Variants in PTPRN2 observed in about 807,000 individuals in gnomAD.
PTPRN2 encodes the protein protein tyrosine phosphatase receptor type N2.
A neutral mutation model predicts 118.8 loss-of-function variants in PTPRN2; 74 were observed. The ratio of observed to expected loss-of-function variants is 0.62; its 90% CI spans 0.52 to 0.76. The LOEUF is 0.76. Ranked by LOEUF, PTPRN2 falls within the 30% of genes least tolerant of loss-of-function variation. The probability of loss-of-function intolerance (pLI) is 0.00; values close to 1 mark genes in which losing one functional copy is unlikely to be tolerated. For missense variants in PTPRN2, 1,481 were observed against 1,394.4 expected (o/e 1.06, Z -0.99); for synonymous variants, 641 against 608.0 (o/e 1.05, Z -0.80).
At chr7:157,621,264 C>CCCCGGCTT (rs1803202987) in intron 15 of PTPRN2, 98 bp downstream of exon 15, 1 of 1,449,614 alleles carries the variant, frequency 6.9e-7, no homozygotes, top group East Asian at 2.4e-5. Flanking sequence ...CCGCCCGGAA[C>CCCCGGCTT]CCTGGCCTCC....
In PTPRN2 at chr7:158,015,861, G is replaced by A. The variant is rs544120406; in HGVS notation, c.1723+65437C>T. On this transcript the variant is annotated intron_variant, in intron 11 of 22. Coordinates refer to ENST00000389418, the MANE Select transcript of PTPRN2 (RefSeq NM_002847.5). The surrounding 1 kb of genome is among the most constrained non-coding windows in gnomAD (Gnocchi z 4.2). ...AAAAATAGACACGGAAGCCGCGATC[G>A]AGGAGGAGGGGGAACAAAAGGGTCA... Among the ~76,000 whole-genome samples the A allele has an allele frequency of 1.1e-4, 16 of 152,310 alleles. No individual in the cohort carries two copies. The South Asian group carries it at 3.1e-3, about 30-fold the overall frequency.
At chr7:158,054,436 G>C (rs1279644166) in intron 11 of PTPRN2, among the ~76,000 whole-genome samples, 1 of 152,346 alleles carries the variant, frequency 6.6e-6, no homozygotes, top group African/African-American at 2.4e-5. Flanking sequence ...GAGCAAGAGA[G>C]GAAGACACGA....
intron 11 of PTPRN2, among the ~76,000 whole-genome samples, chr7:158,008,130 CATGTACACA>C (rs1805789149): frequency 9.9e-6 from 1 of 101,226 alleles, no homozygotes; most frequent in African/African-American, 3.9e-5. Context: ...TGGGTGTGTA[CATGTACACA>C]TGTGTGAGTG....
rs1204685087 is a variant in PTPRN2, at chr7:157,622,928, C to T, written c.2197-1419G>A. On this transcript the variant is annotated intron_variant, in intron 14 of 22. Transcript: ENST00000389418. The surrounding 1 kb of genome is among the most constrained non-coding windows in gnomAD (Gnocchi z 5.3). ...ACCTTGAGCCTTGGGAGCACACCTG[C>T]GCCAGGAACAGAAACATCAGGGCTG... is the stretch of plus-strand genomic sequence containing the variant. Among the ~76,000 whole-genome samples, 2 of 152,190 alleles carry T rather than the reference C, an allele frequency of 1.3e-5. No individual in the cohort carries two copies. The highest frequency in any genetic ancestry group is 2.1e-4 in the South Asian group (1 of 4,832).
chr7:157,818,235 T>C (rs1806559748), intron 12 of PTPRN2, among the ~76,000 whole-genome samples: 1 of 152,040 alleles, frequency 6.6e-6, no homozygotes, highest in African/African-American at 2.4e-5. Flanking sequence ...TGTATGTGTG[T>C]GCCCGTGCAT....
rs1378901213 is a variant in PTPRN2, at chr7:157,577,964, AG to A, written c.2616+56del. ...AACGAATCCCATTCGGAGGAGGAGC[AG>A]GGCCCGTCCTCGTCCGGCTGGTGGG... On this transcript the variant is annotated intron_variant, in intron 18 of 22. Transcript: ENST00000389418. The A allele has an allele frequency of 2.7e-6, 4 of 1,499,106 alleles. No homozygotes were observed. The African/African-American group carries it at 4.1e-5, about 16-fold the overall frequency. The allele number at this position is 1,499,106 out of a possible 1,614,324, so 92.9% of individuals were successfully genotyped here. A position where few individuals can be genotyped will look rare whatever the true frequency, so the allele number is the denominator to read the frequency against.
At chr7:158,333,497 C>G (rs1247240335) in intron 2 of PTPRN2, among the ~76,000 whole-genome samples, 4 of 148,812 alleles carry the variant, frequency 2.7e-5, no homozygotes, top group African/African-American at 1.0e-4. Context: ...CTGGAGACGT[C>G]ACTCACACCC....
At chr7:158,273,855 CACAGGAGG>C (rs1798730864) in intron 3 of PTPRN2, among the ~76,000 whole-genome samples, 1 of 126,690 alleles carries the variant, frequency 7.9e-6, no homozygotes, top group African/African-American at 3.2e-5. Flanking sequence ...GAGCCGCAGA[CACAGGAGG>C]AGACACACGA....
intron 1 of PTPRN2, among the ~76,000 whole-genome samples, chr7:158,556,281 T>C (rs1826985408): frequency 6.6e-6 from 1 of 152,138 alleles, no homozygotes; most frequent in Non-Finnish European, 1.5e-5. Flanking sequence ...GGGCTGGGCA[T>C]GGTGGCTTAC....
chr7:157,832,841 T>G (rs1179599550), intron 12 of PTPRN2, among the ~76,000 whole-genome samples: 1 of 152,248 alleles, frequency 6.6e-6, no homozygotes, highest in Non-Finnish European at 1.5e-5. Context: ...TGACTGGATT[T>G]GTGATCAGAA....
chr7:157,581,902 G>A (rs562582455), intron 17 of PTPRN2, among the ~76,000 whole-genome samples: 172 of 152,330 alleles, frequency 1.1e-3, no homozygotes, highest in African/African-American at 4.0e-3. Flanking sequence ...CACGGAGAGC[G>A]GCCACGCGCA....
chr7:157,709,149 G>A (rs774400802), intron 12 of PTPRN2, among the ~76,000 whole-genome samples: 6 of 152,180 alleles, frequency 3.9e-5, no homozygotes, highest in Non-Finnish European at 7.3e-5. Flanking sequence ...TGCTGCCCAT[G>A]GCTGGGTGGG....
At chr7:158,411,107 G>A (rs1416905614) in intron 2 of PTPRN2, among the ~76,000 whole-genome samples, 3 of 152,134 alleles carry the variant, frequency 2.0e-5, no homozygotes, top group Admixed American at 6.5e-5. Flanking sequence ...TGCAGCTCCC[G>A]AGAGGAGGCC....
At chr7:158,121,275 C>T (rs577208833) in intron 9 of PTPRN2, among the ~76,000 whole-genome samples, 12 of 152,094 alleles carry the variant, frequency 7.9e-5, no homozygotes, top group Non-Finnish European at 1.3e-4. Context: ...AGGCTAGGAC[C>T]GACCACACCA....
intron 11 of PTPRN2, among the ~76,000 whole-genome samples, chr7:157,945,780 A>G (rs4997978): frequency 0.76 from 107,741 of 142,064 alleles, 38,656 homozygotes; most frequent in East Asian, 0.88. Flanking sequence ...AGCTTGGACA[A>G]TGCCGCCTTC....
In PTPRN2 at chr7:157,610,187, C is replaced by G. The variant is rs1035671725; in HGVS notation, c.2345-6112G>C. ...GCTGCTGTTTGGAGGATGCGTGAGG[C>G]CATCTGTGAAGCCACTGCTGAGTCC... is the stretch of plus-strand genomic sequence containing the variant. On this transcript the variant is annotated intron_variant, in intron 15 of 22. Coordinates refer to ENST00000389418, the MANE Select transcript of PTPRN2 (RefSeq NM_002847.5). This position sits in a 1 kb window ranked among gnomAD's most constrained non-coding sequence, Gnocchi z 5.1. 2.0e-5 allele frequency among the ~76,000 whole-genome samples: 3 copies of G among 152,178 alleles called. No individual in the cohort carries two copies. Among genetic ancestry groups the G allele is most frequent in the South Asian group, 4.1e-4 (2 of 4,826 alleles).
At chr7:157,971,567 C>A (rs1802333554) in intron 11 of PTPRN2, among the ~76,000 whole-genome samples, 1 of 152,136 alleles carries the variant, frequency 6.6e-6, no homozygotes, top group Non-Finnish European at 1.5e-5. Context: ...TGGAACGTTC[C>A]CCAGCAATTC....
intron 3 of PTPRN2, among the ~76,000 whole-genome samples, chr7:158,250,219 C>T (rs1304337397): frequency 2.6e-5 from 4 of 152,118 alleles, no homozygotes; most frequent in Non-Finnish European, 5.9e-5. Flanking sequence ...ATGGGGTGGT[C>T]CCTGCCTCTA....
chr7:158,247,896 A>G (rs1036087580), intron 3 of PTPRN2, among the ~76,000 whole-genome samples: 7 of 152,092 alleles, frequency 4.6e-5, no homozygotes, highest in African/African-American at 2.4e-5. Context: ...GATTACAGGC[A>G]TGATCCACCG....
Sources: gnomAD v4.1 joint callset for allele counts (sites outside exome capture counted in the v4.1 genomes callset) on GRCh38, gnomAD v4.1.1 for gene constraint, Gnocchi (gnomAD v3.1) non-coding constraint, MANE v1.5 for transcripts, NCBI Gene and HGNC (gene_info 2026-07-23, HGNC 2026-07-21) for gene names.